The following GNAQ variants were observed in gnomAD, a reference collection of about 807,000 sequenced individuals.
GNAQ encodes the protein G protein subunit alpha q.
Under a neutral mutation model 43.9 loss-of-function variants are expected in GNAQ, and 8 were observed. The observed-to-expected ratio is 0.18, with a 90% CI of 0.11 to 0.33. GNAQ has a LOEUF of 0.33. GNAQ is among the 10% of genes least tolerant of loss of function. The pLI, the probability that GNAQ is intolerant of heterozygous loss-of-function variation, is 1.00. For missense variants in GNAQ, 158 were observed against 450.8 expected (o/e 0.35, Z 5.88); for synonymous variants, 155 against 170.7 (o/e 0.91, Z 0.71).
At chr9:77,810,562 A>T (rs1299917415) in intron 3 of GNAQ, among the ~76,000 whole-genome samples, 3 of 152,208 alleles carry the variant, frequency 2.0e-5, no homozygotes, top group Non-Finnish European at 4.4e-5. Flanking sequence ...GTCTTTGATA[A>T]GGCTTTTCAT....
rs1825300555 is a variant in GNAQ, at chr9:77,720,947, G to T, written c.*376C>A. 4.1e-6 allele frequency: 1 copy of T among 243,732 alleles called. No individual in the cohort carries two copies. Among genetic ancestry groups the T allele is most frequent in the Middle Eastern group, 1.2e-3 (1 of 836 alleles). The allele number at this position is 243,732 out of a possible 1,614,324, so 15.1% of individuals were successfully genotyped here. A position where few individuals can be genotyped will look rare whatever the true frequency, so the allele number is the denominator to read the frequency against. On this transcript the variant is annotated 3_prime_UTR_variant, in exon 7 of 7. Transcript: ENST00000286548. ...AACATCAGGAGGGAGGTATGAATTA[G>T]CGGGGGAAGAAAAAAGGGAAATCAG...
rs1478337321 is a variant in GNAQ, at chr9:77,837,179, TTCTC to T, written c.322-21413_322-21410del. ...TGGAAAGACATATGTTAATCAGTCT[TTCTC>T]TCTATTCATCTAGAATGATATTAGC... On this transcript the variant is annotated intron_variant, in intron 2 of 6. Coordinates refer to ENST00000286548, the MANE Select transcript of GNAQ (RefSeq NM_002072.5). Among the ~76,000 whole-genome samples, 4 of 152,284 alleles carry T rather than the reference TTCTC, an allele frequency of 2.6e-5. No homozygotes were observed. The South Asian group carries it at 8.3e-4, about 32-fold the overall frequency.
At position 78,030,522 on chromosome 9, in the gene GNAQ, G is replaced by A. The variant is rs942166126; in HGVS notation, c.136+578C>T. 1.9e-5 allele frequency: 9 copies of A among 470,826 alleles called. No homozygotes were observed. In the East Asian group the frequency reaches 5.6e-4, roughly 29 times the overall value. 29.2% of individuals were successfully genotyped at this position (470,826 alleles called of 1,614,324 possible). On this transcript the variant is annotated intron_variant, in intron 1 of 6. Transcript: ENST00000286548. ...ACCACTTGGCTTCCTCACCATGAGT[G>A]CTCCGGGAATCCAGCTGCGAGTCTG...
chr9:77,879,625 G>C (rs1828179918), intron 2 of GNAQ, among the ~76,000 whole-genome samples: 1 of 152,196 alleles, frequency 6.6e-6, no homozygotes, highest in African/African-American at 2.4e-5. Context: ...TTCTAGTTTT[G>C]TTGATTACTT....
chr9:78,003,092 G>A (rs2118557266), intron 1 of GNAQ, among the ~76,000 whole-genome samples: 1 of 152,286 alleles, frequency 6.6e-6, no homozygotes, highest in Admixed American at 6.5e-5. Context: ...TAATGTAGAG[G>A]AAATTTAGCA....
intron 1 of GNAQ, among the ~76,000 whole-genome samples, chr9:77,943,958 T>C: frequency 6.6e-6 from 1 of 152,138 alleles, no homozygotes; most frequent in African/African-American, 2.4e-5. Context: ...TGAGACACAG[T>C]GCCTAGCCAG....
chr9:77,887,766 C>T (rs1828334132), intron 2 of GNAQ, among the ~76,000 whole-genome samples: 1 of 152,120 alleles, frequency 6.6e-6, no homozygotes, highest in Non-Finnish European at 1.5e-5. Context: ...TATAACATAT[C>T]ACATGCTACA....
intron 6 of GNAQ, among the ~76,000 whole-genome samples, chr9:77,725,005 A>G (rs1825376086): frequency 6.6e-6 from 1 of 152,208 alleles, no homozygotes; most frequent in Admixed American, 6.5e-5. Flanking sequence ...CATAAAAAGA[A>G]CATTATATTT....
At chr9:77,912,559 T>C (rs1205210069) in intron 2 of GNAQ, among the ~76,000 whole-genome samples, 1 of 152,144 alleles carries the variant, frequency 6.6e-6, no homozygotes, top group African/African-American at 2.4e-5. Flanking sequence ...AACTGGGCTA[T>C]CTTACCATTG....
chr9:77,868,750 G>T (rs1415807123), intron 2 of GNAQ, among the ~76,000 whole-genome samples: 2 of 151,850 alleles, frequency 1.3e-5, no homozygotes, highest in Admixed American at 1.3e-4. Flanking sequence ...AGCCGAGATC[G>T]GGCCACTGCA....
intron 5 of GNAQ, among the ~76,000 whole-genome samples, chr9:77,743,318 T>G (rs1332002532): frequency 1.3e-5 from 2 of 151,396 alleles, no homozygotes; most frequent in African/African-American, 4.9e-5. Context: ...CAGGAGAGGG[T>G]CCACAGTCGG....
chr9:77,939,318 A>G (rs1374671857), intron 1 of GNAQ, among the ~76,000 whole-genome samples: 1 of 152,266 alleles, frequency 6.6e-6, no homozygotes, highest in Non-Finnish European at 1.5e-5. Context: ...ACGGCTACGC[A>G]TGAGTCATGT....
At chr9:77,868,817 A>T (rs1022734723) in intron 2 of GNAQ, among the ~76,000 whole-genome samples, 2 of 151,560 alleles carry the variant, frequency 1.3e-5, no homozygotes, top group Admixed American at 6.6e-5. Flanking sequence ...AAAAAACCAA[A>T]AAAGAAAAAG....
At position 77,717,893 on chromosome 9, in the gene GNAQ, G is replaced by C. The variant is rs529249717; in HGVS notation, c.*3430C>G. 360 of 231,830 alleles carry C rather than the reference G, an allele frequency of 1.6e-3. 3 individuals carry two copies. The highest frequency in any genetic ancestry group is 7.7e-3 in the African/African-American group (347 of 45,286). 14.4% of individuals were successfully genotyped at this position (231,830 alleles called of 1,614,324 possible). On this transcript the variant is annotated 3_prime_UTR_variant, in exon 7 of 7. Transcript: ENST00000286548. Reference sequence around the variant, plus strand: ...GAAATGTTAAAAACAAAAACTTCTAGGAGATTTATTTACTTTTGAATGGGT... The same window carrying C: ...GAAATGTTAAAAACAAAAACTTCTACGAGATTTATTTACTTTTGAATGGGT...
chr9:77,797,879 T>C (rs934090939), intron 3 of GNAQ, among the ~76,000 whole-genome samples: 12 of 152,200 alleles, frequency 7.9e-5, no homozygotes, highest in Non-Finnish European at 1.2e-4. Flanking sequence ...TCTTCTCTTA[T>C]TATCAATTAG....
At chr9:77,814,149 C>T (rs903045338) in intron 3 of GNAQ, among the ~76,000 whole-genome samples, 4 of 151,948 alleles carry the variant, frequency 2.6e-5, no homozygotes, top group Admixed American at 6.6e-5. Flanking sequence ...AAAAAGACAG[C>T]TGGTCAAAGG....
intron 5 of GNAQ, among the ~76,000 whole-genome samples, chr9:77,741,186 A>G (rs1375927563): frequency 6.6e-6 from 1 of 152,234 alleles, no homozygotes; most frequent in African/African-American, 2.4e-5. Flanking sequence ...GGTGTAAAAC[A>G]GCATTGAATA....
At chr9:77,807,323 C>A (rs76260868) in intron 3 of GNAQ, among the ~76,000 whole-genome samples, 2 of 152,076 alleles carry the variant, frequency 1.3e-5, no homozygotes, top group Non-Finnish European at 2.9e-5. Flanking sequence ...GTTCTATTAG[C>A]CCTCTTACAA....
intron 5 of GNAQ, among the ~76,000 whole-genome samples, chr9:77,790,896 G>A (rs1172082446): frequency 1.3e-5 from 2 of 152,186 alleles, no homozygotes; most frequent in African/African-American, 2.4e-5. Flanking sequence ...AGATTCTGAT[G>A]AGTAGCAGCT....
Sources: allele counts gnomAD v4.1 joint callset (sites outside exome capture counted in the v4.1 genomes callset), GRCh38; gene constraint gnomAD v4.1.1; transcripts MANE v1.5; gene names NCBI Gene and HGNC (gene_info 2026-07-23, HGNC 2026-07-21).